Variants in CASR observed in about 807,000 individuals in gnomAD.
CASR encodes extracellular calcium-sensing receptor.
In CASR, 23 loss-of-function variants were observed where a neutral mutation model predicts 69.1. The ratio of observed to expected loss-of-function variants is 0.33; its 90% CI spans 0.24 to 0.47. The LOEUF is 0.47. CASR is among the 20% of genes least tolerant of loss of function. The pLI is 1.00. For missense variants in CASR, 924 were observed against 1,356.1 expected, an observed-to-expected ratio of 0.68 and a Z score of 5.00; for synonymous variants, 541 against 544.7, an observed-to-expected ratio of 0.99 and a Z score of 0.10.
rs1553765605 is a variant in CASR, at chr3:122,252,344, G to GAAAGAAAGAAAGA, written c.-242-1602_-242-1601insAGAAAGAAAGAAA. Among the ~76,000 whole-genome samples, 126 of 48,228 alleles carry GAAAGAAAGAAAGA rather than the reference G, an allele frequency of 2.6e-3. 3 individuals carry two copies. Among genetic ancestry groups the GAAAGAAAGAAAGA allele is most frequent in the African/African-American group, 8.1e-3 (118 of 14,514 alleles). The allele number at this position is 48,228 out of a possible 152,430, so 31.6% of individuals were successfully genotyped here. A position where few individuals can be genotyped will look rare whatever the true frequency, so the allele number is the denominator to read the frequency against. ...AGAGAAAGAAAGAGAGAGAAAGAAA[G>GAAAGAAAGAAAGA]AAGAAAGAAAGAAAGAAAGAAGGAA... On this transcript the variant is annotated intron_variant, in intron 1 of 6. Coordinates refer to ENST00000639785, the MANE Select transcript of CASR (RefSeq NM_000388.4).
At chr3:122,280,952 T>C (rs543630567) in intron 5 of CASR, among the ~76,000 whole-genome samples, 1 of 152,364 alleles carries the variant, frequency 6.6e-6, no homozygotes, top group Admixed American at 6.5e-5. Flanking sequence ...CGGACTTCAT[T>C]CTTATGATAC....
At chr3:122,184,742 C>T (rs747850143) in intron 1 of CASR, among the ~76,000 whole-genome samples, 40 of 152,240 alleles carry the variant, frequency 2.6e-4, no homozygotes, top group Non-Finnish European at 4.6e-4. Context: ...TTGTTCAGTG[C>T]CCCTAGAAGG....
rs534618380 is a variant in CASR, at chr3:122,208,788, G to A, written c.-243+24976G>A. 8.5e-5 allele frequency among the ~76,000 whole-genome samples: 13 copies of A among 152,264 alleles called. No homozygotes were observed. The South Asian group carries it at 1.9e-3, about 22-fold the overall frequency. On this transcript the variant is annotated intron_variant, in intron 1 of 6. Coordinates refer to ENST00000639785, the MANE Select transcript of CASR (RefSeq NM_000388.4). ...TTTCCCTCCAGCACTGAATGGCTAC[G>A]TATTTTGGAACATGCCTTCCTCATA...
At chr3:122,283,036 G>T (rs2074911839) in intron 6 of CASR, among the ~76,000 whole-genome samples, 1 of 152,206 alleles carries the variant, frequency 6.6e-6, no homozygotes, top group East Asian at 1.9e-4. Context: ...GAATGAGTCT[G>T]CAGCCTCCCT....
chr3:122,258,193 C>T (rs1403684545), intron 3 of CASR, among the ~76,000 whole-genome samples: 4 of 152,088 alleles, frequency 2.6e-5, no homozygotes, highest in Non-Finnish European at 5.9e-5. Context: ...ATGGAAACAA[C>T]CTAAATGTCT....
intron 1 of CASR, chr3:122,247,502 C>T (rs184231515): frequency 6.6e-6 from 1 of 152,328 alleles, no homozygotes; most frequent in African/African-American, 2.4e-5. Context: ...ATTTCATTAA[C>T]TCTGTTGGTG....
chr3:122,290,547 C>G lies in CASR; in HGVS notation c.*5356C>G, dbSNP rs774979588. ...GTAATGGACTAATGGATAATTGTTT[C>G]TGCTTCTTTAGGATGTTCTAAATTT... On this transcript the variant is annotated 3_prime_UTR_variant, in exon 7 of 7. Coordinates refer to ENST00000639785, the MANE Select transcript of CASR (RefSeq NM_000388.4). 2.0e-5 allele frequency: 3 copies of G among 152,124 alleles called. No homozygotes were observed. The highest frequency in any genetic ancestry group is 4.4e-5 in the Non-Finnish European group (3 of 68,018). 9.4% of individuals were successfully genotyped at this position (152,124 alleles called of 1,614,324 possible).
chr3:122,254,003 C>A lies in CASR; in HGVS notation c.-187C>A. 1 of 668,966 alleles carries A rather than the reference C, an allele frequency of 1.5e-6. No individual in the cohort carries two copies. The highest frequency in any genetic ancestry group is 2.7e-5 in the East Asian group (1 of 36,786). 41.4% of individuals were successfully genotyped at this position (668,966 alleles called of 1,614,324 possible). ...GGCTTCCAAAGACTCAAGGACCACC[C>A]ACATTACAAGTCTGGATTGAGGAAG... On this transcript the variant is annotated 5_prime_UTR_variant, in exon 2 of 7. Transcript: ENST00000639785.
chr3:122,236,234 T>C (rs1168633471), intron 1 of CASR, among the ~76,000 whole-genome samples: 1 of 152,222 alleles, frequency 6.6e-6, no homozygotes, highest in South Asian at 2.1e-4. Context: ...ATGGGCTTAT[T>C]TGGGGAAAGT....
chr3:122,252,412 AG>A (rs1420982278), intron 1 of CASR, among the ~76,000 whole-genome samples: 1 of 66,390 alleles, frequency 1.5e-5, no homozygotes, highest in African/African-American at 6.5e-5. Context: ...GGAAGGAAAA[AG>A]AAAGAAAGAA....
chr3:122,248,520 G>C (rs1271380959), intron 1 of CASR, among the ~76,000 whole-genome samples: 1 of 151,904 alleles, frequency 6.6e-6, no homozygotes, highest in African/African-American at 2.4e-5. Flanking sequence ...ATAAACCAGA[G>C]ACATAGCAGT....
At chr3:122,196,803 AC>A (rs1392141855) in intron 1 of CASR, among the ~76,000 whole-genome samples, 3 of 151,876 alleles carry the variant, frequency 2.0e-5, no homozygotes, top group Non-Finnish European at 4.4e-5. Context: ...CCCCTTTGCT[AC>A]CCCCAGTTTT....
chr3:122,185,975 T>G (rs2073777705), intron 1 of CASR, among the ~76,000 whole-genome samples: 1 of 85,134 alleles, frequency 1.2e-5, no homozygotes, highest in Admixed American at 1.4e-4. Flanking sequence ...CACATGCGAG[T>G]TACTTCCTGC....
rs143360516 is a variant in CASR at position 122,275,871 on chromosome 3, T to C, written c.1437T>C (p.Phe479=). The change falls in exon 5 of 7, where the codon TTT becomes TTC. Residue 479 remains phenylalanine (F), a synonymous_variant. Transcript: ENST00000639785. ...ACAATATGGGGGAGCAGGTGACCTTTGATGAGTGTGGTGACCTGGTGGGGA... is the reference window on the plus strand; with the variant it reads ...ACAATATGGGGGAGCAGGTGACCTTCGATGAGTGTGGTGACCTGGTGGGGA... The part of the protein sequence containing the change: ...FTNNMGEQVT[F]DECGDLVGNY... The C allele has an allele frequency of 8.7e-6, 14 of 1,614,148 alleles. No individual in the cohort carries two copies. In the East Asian group the frequency reaches 2.9e-4, roughly 33 times the overall value.
chr3:122,238,040 ACAC>A (rs1167140784), intron 1 of CASR, among the ~76,000 whole-genome samples: 1 of 152,224 alleles, frequency 6.6e-6, no homozygotes, highest in Admixed American at 6.5e-5. Context: ...CCCTGCAGGA[ACAC>A]CACATTTTAA....
chr3:122,231,838 C>T (rs1287024368), intron 1 of CASR, among the ~76,000 whole-genome samples: 2 of 152,068 alleles, frequency 1.3e-5, no homozygotes, highest in East Asian at 3.9e-4. Flanking sequence ...ACCTTGCATT[C>T]TCTTCTAACA....
Position 122,211,876 on chromosome 3 carries a change from G to A in CASR, c.-243+28064G>A, listed in dbSNP as rs574563757. On this transcript the variant is annotated intron_variant, in intron 1 of 6. Coordinates refer to ENST00000639785, the MANE Select transcript of CASR (RefSeq NM_000388.4). ...CACAATGAGATATTATCTCATGCCA[G>A]TCGGAATGGTGATTATTAAAAAGTA... Among the ~76,000 whole-genome samples, 159 of 152,334 alleles carry A rather than the reference G, an allele frequency of 1.0e-3. 1 individual carries two copies. The highest frequency in any genetic ancestry group is 6.8e-3 in the Middle Eastern group (2 of 294).
chr3:122,257,986 G>C (rs1333055968), intron 3 of CASR, among the ~76,000 whole-genome samples: 1 of 152,186 alleles, frequency 6.6e-6, no homozygotes, highest in Non-Finnish European at 1.5e-5. Flanking sequence ...AGAGATGGTT[G>C]CGTTTCCATT....
chr3:122,215,327 G>A (rs959742738), intron 1 of CASR, among the ~76,000 whole-genome samples: 22 of 152,180 alleles, frequency 1.4e-4, no homozygotes, highest in African/African-American at 2.9e-4. Flanking sequence ...ATGCTTCCAC[G>A]TCGCTCAAGA....
Sources: gnomAD v4.1 joint callset for allele counts (sites outside exome capture counted in the v4.1 genomes callset) on GRCh38, gnomAD v4.1.1 for gene constraint, MANE v1.5 for transcripts, NCBI Gene and HGNC (gene_info 2026-07-23, HGNC 2026-07-21) for gene names.